EXOC4: variants seen among roughly 807,000 people sequenced by gnomAD.
The protein encoded by EXOC4 is SEC8-like 1.
Under a neutral mutation model 107.2 loss-of-function variants are expected in EXOC4, and 71 were observed. The ratio of observed to expected loss-of-function variants is 0.66; its 90% CI spans 0.55 to 0.81. The LOEUF (loss-of-function observed/expected upper bound fraction) is 0.81. Ranked by LOEUF, EXOC4 falls within the 30% of genes least tolerant of loss-of-function variation. EXOC4 has a pLI of 0.00. For synonymous variants in EXOC4, 456 were observed against 441.2 expected, an observed-to-expected ratio of 1.03 and a Z score of -0.42; for missense variants, 1,108 against 1,189.6, an observed-to-expected ratio of 0.93 and a Z score of 1.01.
intron 17 of EXOC4, among the ~76,000 whole-genome samples, chr7:134,030,506 A>C (rs959859224): frequency 6.6e-6 from 1 of 152,176 alleles, no homozygotes; most frequent in African/African-American, 2.4e-5. Context: ...TTTGCCTAAC[A>C]ATGCGGCTAG....
chr7:134,063,423 G>C (rs529225964), intron 17 of EXOC4, among the ~76,000 whole-genome samples: 1 of 152,268 alleles, frequency 6.6e-6, no homozygotes, highest in African/African-American at 2.4e-5. Flanking sequence ...AAACAGTCTT[G>C]AACTTAGAGT....
chr7:133,324,384 G>A (rs1178225381), intron 5 of EXOC4, among the ~76,000 whole-genome samples: 2 of 152,190 alleles, frequency 1.3e-5, no homozygotes, highest in Admixed American at 6.5e-5. Flanking sequence ...TGCTTTAAAT[G>A]TGTCCCAGAT....
chr7:134,053,752 T>G (rs577164146), intron 17 of EXOC4, among the ~76,000 whole-genome samples: 12 of 151,826 alleles, frequency 7.9e-5, no homozygotes, highest in South Asian at 2.1e-4. Flanking sequence ...TGAGCAAAAA[T>G]TGACCAGAAT....
intron 7 of EXOC4, among the ~76,000 whole-genome samples, chr7:133,445,790 T>C (rs1007155566): frequency 2.0e-5 from 3 of 151,934 alleles, no homozygotes; most frequent in Non-Finnish European, 4.4e-5. Context: ...GGTGGGAGGA[T>C]TGCTTGAGCC....
At position 133,280,659 on chromosome 7, in the gene EXOC4, C is replaced by T. The variant is rs547172733; in HGVS notation, c.276+5488C>T. ...GCCTATAATGAGAAATAAGGGTACA[C>T]GATTATTCAAGTGAAGTTGTTAGGG... On this transcript the variant is annotated intron_variant, in intron 2 of 17. Transcript: ENST00000253861. 8.6e-4 allele frequency among the ~76,000 whole-genome samples: 131 copies of T among 152,050 alleles called. 1 individual carries two copies. The highest frequency in any genetic ancestry group is 1.4e-3 in the Non-Finnish European group (93 of 67,990).
intron 9 of EXOC4, among the ~76,000 whole-genome samples, chr7:133,498,764 A>G (rs897863009): frequency 6.6e-6 from 1 of 152,166 alleles, no homozygotes; most frequent in Non-Finnish European, 1.5e-5. Flanking sequence ...ACTAAACCCC[A>G]TGTCCTCAAT....
At chr7:133,483,589 T>A (rs1563082823) in intron 9 of EXOC4, among the ~76,000 whole-genome samples, 1 of 152,212 alleles carries the variant, frequency 6.6e-6, no homozygotes, top group Non-Finnish European at 1.5e-5. Flanking sequence ...AAGGAATATT[T>A]CTGGTTACAA....
At chr7:134,069,417 T>TCCC (rs1157776221), downstream of EXOC4, among the ~76,000 whole-genome samples, 1 of 146,304 alleles carries the variant, frequency 6.8e-6, no homozygotes, top group East Asian at 2.1e-4. Flanking sequence ...TCCTTCCTCC[T>TCCC]TCCTCCTCTT....
intron 14 of EXOC4, among the ~76,000 whole-genome samples, chr7:133,954,493 A>G (rs1800769504): frequency 6.6e-6 from 1 of 152,264 alleles, no homozygotes; most frequent in African/African-American, 2.4e-5. Flanking sequence ...TATATAATGT[A>G]TTAGTACCAG....
At chr7:133,813,551 G>C (rs1223271089) in intron 10 of EXOC4, among the ~76,000 whole-genome samples, 1 of 152,100 alleles carries the variant, frequency 6.6e-6, no homozygotes, top group Non-Finnish European at 1.5e-5. Flanking sequence ...TATCTTTTTG[G>C]GAGTTAGATG....
At chr7:133,746,810 G>A (rs1195955595) in intron 10 of EXOC4, among the ~76,000 whole-genome samples, 2 of 152,138 alleles carry the variant, frequency 1.3e-5, no homozygotes, top group Admixed American at 6.5e-5. Context: ...CATCTTTCTC[G>A]TGATTCCTCA....
At chr7:133,486,149 C>T (rs1799266554) in intron 9 of EXOC4, among the ~76,000 whole-genome samples, 1 of 152,110 alleles carries the variant, frequency 6.6e-6, no homozygotes, top group African/African-American at 2.4e-5. Flanking sequence ...TATGGACATA[C>T]TGGCATAGGT....
intron 10 of EXOC4, among the ~76,000 whole-genome samples, chr7:133,647,808 T>C (rs939657528): frequency 1.2e-4 from 18 of 152,126 alleles, no homozygotes; most frequent in Non-Finnish European, 2.9e-5. Context: ...TCAAACAGCC[T>C]AATTAGAGCC....
intron 11 of EXOC4, among the ~76,000 whole-genome samples, chr7:133,843,369 G>A (rs1265431706): frequency 3.9e-5 from 6 of 151,990 alleles, no homozygotes; most frequent in African/African-American, 9.7e-5. Context: ...GACTTTCATC[G>A]TAGAGATCCT....
chr7:133,903,985 T>C (rs6974386), intron 12 of EXOC4, among the ~76,000 whole-genome samples: 93,853 of 151,670 alleles, frequency 0.62, 31,438 homozygotes, highest in African/African-American at 0.89. Flanking sequence ...TAAATGTAAA[T>C]GTTTTTGTGG....
chr7:134,068,846 T>C (rs147748872), downstream of EXOC4, among the ~76,000 whole-genome samples: 397 of 152,288 alleles, frequency 2.6e-3, 2 homozygotes, highest in African/African-American at 9.2e-3. Flanking sequence ...CTACTTACTG[T>C]CAAGTCATAT....
intron 11 of EXOC4, among the ~76,000 whole-genome samples, chr7:133,836,701 A>C (rs1428528714): frequency 6.6e-6 from 1 of 152,116 alleles, no homozygotes; most frequent in African/African-American, 2.4e-5. Context: ...GCTGTCCAGA[A>C]TGCTGTCTGA....
intron 10 of EXOC4, among the ~76,000 whole-genome samples, chr7:133,713,795 T>G (rs1794944469): frequency 6.6e-6 from 1 of 152,160 alleles, no homozygotes; most frequent in Admixed American, 6.5e-5. Flanking sequence ...GAAGGTGCCT[T>G]GCTTCCCCTT....
chr7:133,651,531 T>G (rs1316191723), intron 10 of EXOC4, among the ~76,000 whole-genome samples: 1 of 152,200 alleles, frequency 6.6e-6, no homozygotes, highest in Non-Finnish European at 1.5e-5. Flanking sequence ...TCACTTATGA[T>G]ACGGATAAGT....
Sources: gnomAD v4.1 joint callset for allele counts (sites outside exome capture counted in the v4.1 genomes callset) on GRCh38, gnomAD v4.1.1 for gene constraint, MANE v1.5 for transcripts, NCBI Gene and HGNC (gene_info 2026-07-23, HGNC 2026-07-21) for gene names.